Variants in DCDC2 observed in about 807,000 individuals in gnomAD.
DCDC2 encodes the protein doublecortin domain containing 2.
Under a neutral mutation model 50.2 loss-of-function variants are expected in DCDC2, and 40 were observed. That is an observed-to-expected ratio of 0.80 (90% CI 0.62 to 1.04). The LOEUF is 1.04. DCDC2 is among the 50% of genes least tolerant of loss of function. DCDC2 has a pLI of 0.00. For synonymous variants in DCDC2, 234 were observed against 210.6 expected, an observed-to-expected ratio of 1.11 and a Z score of -0.96; for missense variants, 570 against 581.9, an observed-to-expected ratio of 0.98 and a Z score of 0.21.
intron 2 of DCDC2, among the ~76,000 whole-genome samples, chr6:24,313,408 G>A (rs1266080647): frequency 2.6e-5 from 4 of 152,164 alleles, no homozygotes; most frequent in Non-Finnish European, 4.4e-5. Context: ...TTTGGGGATT[G>A]TTTGTCTTTT....
intron 6 of DCDC2, among the ~76,000 whole-genome samples, chr6:24,283,669 G>T (rs1290960389): frequency 1.3e-5 from 2 of 152,260 alleles, no homozygotes; most frequent in East Asian, 3.9e-4. Flanking sequence ...CCTCCTCGCA[G>T]TGCCAGGCAG....
rs532379235 is a variant in DCDC2, at chr6:24,312,365, T to G, written c.349-10321A>C. Among the ~76,000 whole-genome samples the G allele has an allele frequency of 4.6e-5, 7 of 152,330 alleles. No individual in the cohort carries two copies. The East Asian group carries it at 1.2e-3, about 25-fold the overall frequency. ...TTAAAATCTGTTAATCCCAGTAACT[T>G]CTAGAAATTCCATAATCCAGGGATG... On this transcript the variant is annotated intron_variant, in intron 2 of 9. Coordinates refer to ENST00000378454, the MANE Select transcript of DCDC2 (RefSeq NM_016356.5).
rs566757551 is a variant in DCDC2, at chr6:24,325,215, C to T, written c.349-23171G>A. ...ATATCTACTTCCTCACACTTCTCCTCGGTTCTCAAATAAAAGCGCTCACTT... is the reference window on the plus strand; with the variant it reads ...ATATCTACTTCCTCACACTTCTCCTTGGTTCTCAAATAAAAGCGCTCACTT... On this transcript the variant is annotated intron_variant, in intron 2 of 9. Transcript: ENST00000378454. Among the ~76,000 whole-genome samples the T allele has an allele frequency of 9.8e-5, 13 of 132,450 alleles. 3 individuals carry two copies. In the East Asian group the frequency reaches 3.7e-3, roughly 38 times the overall value. 86.9% of individuals were successfully genotyped at this position (132,450 alleles called of 152,430 possible).
chr6:24,380,142 A>G, the DCDC2 span, among the ~76,000 whole-genome samples: 1 of 152,166 alleles, frequency 6.6e-6, no homozygotes, highest in Non-Finnish European at 1.5e-5. Context: ...ATACCTATGT[A>G]ACAAACCTGC....
At chr6:24,356,698 T>A (rs1760473890) in intron 1 of DCDC2, among the ~76,000 whole-genome samples, 1 of 152,332 alleles carries the variant, frequency 6.6e-6, no homozygotes, top group Admixed American at 6.5e-5. Context: ...AGTGTGCAGG[T>A]AGTCCAGTTA....
intron 2 of DCDC2, among the ~76,000 whole-genome samples, chr6:24,333,513 T>C (rs1414687716): frequency 6.6e-6 from 1 of 152,182 alleles, no homozygotes; most frequent in Non-Finnish European, 1.5e-5. Context: ...TTGCTATCTC[T>C]AGTGCAGCCT....
intron 2 of DCDC2, among the ~76,000 whole-genome samples, chr6:24,322,908 G>A (rs1314657299): frequency 6.6e-6 from 1 of 152,140 alleles, no homozygotes; most frequent in Non-Finnish European, 1.5e-5. Context: ...CACAGGCCAT[G>A]GTCACTCATA....
At chr6:24,178,710 T>C in intron 8 of DCDC2, 78 bp from the exon 9 acceptor site, 1 of 1,327,324 alleles carries the variant, frequency 7.5e-7, no homozygotes, top group South Asian at 1.4e-5. Context: ...AGTAATGTAA[T>C]ACTTATATTA....
intron 6 of DCDC2, among the ~76,000 whole-genome samples, chr6:24,286,763 T>G (rs1763620511): frequency 6.6e-6 from 1 of 152,170 alleles, no homozygotes; most frequent in Non-Finnish European, 1.5e-5. Flanking sequence ...CCTGGCTGCC[T>G]TCTTCTTGGC....
the DCDC2 span, among the ~76,000 whole-genome samples, chr6:24,371,044 G>A: frequency 2.0e-5 from 3 of 152,066 alleles, no homozygotes; most frequent in African/African-American, 7.2e-5. Context: ...GGGAGGCCGA[G>A]GCAGGTGGAT....
chr6:24,276,265 GA>G (rs1029374291), intron 7 of DCDC2, among the ~76,000 whole-genome samples: 2 of 152,072 alleles, frequency 1.3e-5, no homozygotes, highest in Admixed American at 6.6e-5. Flanking sequence ...GAGATAACCT[GA>G]AAAGATGATC....
At chr6:24,223,426 G>A (rs1354889346) in intron 7 of DCDC2, among the ~76,000 whole-genome samples, 1 of 152,156 alleles carries the variant, frequency 6.6e-6, no homozygotes, top group East Asian at 1.9e-4. Flanking sequence ...ATGGCATCCA[G>A]AAAGTCATAT....
intron 7 of DCDC2, among the ~76,000 whole-genome samples, chr6:24,276,651 T>C (rs975849019): frequency 3.9e-5 from 6 of 152,150 alleles, no homozygotes; most frequent in African/African-American, 1.4e-4. Flanking sequence ...ATTTTTAGTG[T>C]TCAAGGTAGG....
intron 6 of DCDC2, among the ~76,000 whole-genome samples, chr6:24,288,269 G>C (rs1258445753): frequency 3.9e-5 from 6 of 152,206 alleles, no homozygotes; most frequent in African/African-American, 1.4e-4. Context: ...GCATGACATG[G>C]AGCTCACCCC....
At chr6:24,378,950 C>T in the DCDC2 span, among the ~76,000 whole-genome samples, 1 of 88,870 alleles carries the variant, frequency 1.1e-5, no homozygotes, top group East Asian at 3.4e-4. Context: ...GACCCTGTCT[C>T]ATTTGGAAAA....
At chr6:24,204,571 G>C (rs548738476) in intron 8 of DCDC2, among the ~76,000 whole-genome samples, 2 of 152,218 alleles carry the variant, frequency 1.3e-5, no homozygotes. Flanking sequence ...AACCACCATG[G>C]CACCTCTGTA....
At chr6:24,341,014 T>C (rs570600263) in intron 2 of DCDC2, among the ~76,000 whole-genome samples, 5 of 152,318 alleles carry the variant, frequency 3.3e-5, no homozygotes, top group Admixed American at 6.5e-5. Context: ...GCGTGAGCCA[T>C]GGAACCTGGC....
At chr6:24,290,396 T>C (rs1487144488) in intron 5 of DCDC2, among the ~76,000 whole-genome samples, 1 of 152,182 alleles carries the variant, frequency 6.6e-6, no homozygotes, top group Non-Finnish European at 1.5e-5. Flanking sequence ...TACGGTATAT[T>C]GTAATTAAAA....
In DCDC2 at chr6:24,301,859, G is replaced by A. The variant is rs807703; in HGVS notation, c.426-13C>T. On this transcript the variant is annotated splice_polypyrimidine_tract_variant and intron_variant, in intron 3 of 9. Transcript: ENST00000378454. ...ATTTGCAATCAAGCTGGAAAACAGG[G>A]GGCAAACCTTCTGAAACAGTTATGC... 1 allele frequency: 1,608,623 copies of A among 1,614,120 alleles called. 801,659 individuals carry two copies. The highest frequency in any genetic ancestry group is 1 in the East Asian group (44,870 of 44,870).
Sources: allele counts gnomAD v4.1 joint callset (sites outside exome capture counted in the v4.1 genomes callset), GRCh38; gene constraint gnomAD v4.1.1; transcripts MANE v1.5; gene names NCBI Gene and HGNC (gene_info 2026-07-23, HGNC 2026-07-21).